Variants in MAML2 observed in about 807,000 individuals in gnomAD.
The protein encoded by MAML2 is mastermind like transcriptional coactivator 2, also known as mastermind-like protein 2.
In MAML2, 22 loss-of-function variants were observed where a neutral mutation model predicts 96.1. The observed-to-expected ratio is 0.23, with a 90% CI of 0.16 to 0.33. The LOEUF is 0.33. Among genes scored for constraint, MAML2 ranks in the 10% least tolerant of loss-of-function variants. MAML2 has a pLI of 1.00. For synonymous variants in MAML2, 561 were observed against 521.3 expected, an observed-to-expected ratio of 1.08 and a Z score of -1.04; for missense variants, 1,367 against 1,392.4, an observed-to-expected ratio of 0.98 and a Z score of 0.29.
intron 1 of MAML2, among the ~76,000 whole-genome samples, chr11:96,141,818 C>T (rs1345801826): frequency 1.3e-5 from 2 of 152,170 alleles, no homozygotes; most frequent in Non-Finnish European, 2.9e-5. Flanking sequence ...CCTCCATGTC[C>T]ACATCGATGG....
intron 2 of MAML2, among the ~76,000 whole-genome samples, chr11:96,071,822 G>A (rs1859349422): frequency 6.6e-6 from 1 of 152,078 alleles, no homozygotes; most frequent in South Asian, 2.1e-4. Flanking sequence ...ACCTAACATA[G>A]AGGGATACAT....
intron 1 of MAML2, among the ~76,000 whole-genome samples, chr11:96,319,342 C>T (rs1409270573): frequency 1.3e-5 from 2 of 152,180 alleles, no homozygotes; most frequent in African/African-American, 2.4e-5. Flanking sequence ...CTAAGCAGTT[C>T]GCAAAAGTCT....
At chr11:96,200,356 T>C (rs909058223) in intron 1 of MAML2, among the ~76,000 whole-genome samples, 2 of 152,208 alleles carry the variant, frequency 1.3e-5, no homozygotes, top group African/African-American at 4.8e-5. Flanking sequence ...TTTGCTGAGA[T>C]TCCATGTCCA....
Position 95,979,437 on chromosome 11 carries a change from A to G in MAML2, c.2982T>C (p.Tyr994=), listed in dbSNP as rs1449873060. Reference sequence around the variant, plus strand: ...CCTGTTGCAGTGACTGATTTGGGGTATAGGCTGCAGGTGTACCTGTGGGGA... The same window carrying G: ...CCTGTTGCAGTGACTGATTTGGGGTGTAGGCTGCAGGTGTACCTGTGGGGA... ...VRFPTGTPAA[Y]TPNQSLQQAV... is the part of the protein sequence containing the mutation. The change falls in exon 5 of 5, where the codon TAT becomes TAC. Residue 994 remains tyrosine (Y), a synonymous_variant. Transcript: ENST00000524717. 1 of 1,613,656 alleles carries G rather than the reference A, an allele frequency of 6.2e-7. No homozygotes were observed. The highest frequency in any genetic ancestry group is 1.6e-4 in the Middle Eastern group (1 of 6,062).
chr11:95,979,144 T>C lies in MAML2; in HGVS notation c.3275A>G (p.Gln1092Arg), dbSNP rs1565179029. The change falls in exon 5 of 5, where the codon CAA becomes CGA. Residue 1092 changes from glutamine (Q) to arginine (R), a missense_variant. Coordinates refer to ENST00000524717, the MANE Select transcript of MAML2 (RefSeq NM_032427.4). ...LTPSNFPSPN[Q>R]SSRAFQGTDH... is the part of the protein sequence containing the mutation. ...AGTTCCTTGAAAAGCCCTGGAACTT[T>C]GGTTGGGTGAAGGAAAATTGCTGGG... The C allele has an allele frequency of 1.9e-6, 3 of 1,613,832 alleles. No homozygotes were observed.
At chr11:96,210,949 A>G (rs563238216) in intron 1 of MAML2, among the ~76,000 whole-genome samples, 1 of 152,290 alleles carries the variant, frequency 6.6e-6, no homozygotes, top group East Asian at 1.9e-4. Context: ...GGCTTCATAT[A>G]TGCACTACTT....
intron 1 of MAML2, among the ~76,000 whole-genome samples, chr11:96,235,357 A>T (rs1439035554): frequency 6.6e-6 from 1 of 152,234 alleles, no homozygotes; most frequent in Non-Finnish European, 1.5e-5. Flanking sequence ...AGAGCTGAGT[A>T]GTTGAGTAGC....
chr11:96,145,977 C>T (rs1037447376), intron 1 of MAML2, among the ~76,000 whole-genome samples: 3 of 152,136 alleles, frequency 2.0e-5, no homozygotes, highest in African/African-American at 7.2e-5. Context: ...CCACCTCACT[C>T]CAGCCTGGGT....
chr11:96,116,751 T>G (rs754119356), intron 1 of MAML2, among the ~76,000 whole-genome samples: 3 of 152,218 alleles, frequency 2.0e-5, no homozygotes, highest in African/African-American at 7.2e-5. Context: ...TTCATATGTA[T>G]GGCGAAGAGA....
At chr11:95,995,297 T>C (rs184217240) in intron 2 of MAML2, among the ~76,000 whole-genome samples, 4 of 152,248 alleles carry the variant, frequency 2.6e-5, no homozygotes, top group African/African-American at 9.6e-5. Flanking sequence ...TGCCAGAAGA[T>C]GGGTGGGGTA....
intron 1 of MAML2, among the ~76,000 whole-genome samples, chr11:96,256,749 A>T (rs1862673836): frequency 6.6e-6 from 1 of 152,220 alleles, no homozygotes; most frequent in Non-Finnish European, 1.5e-5. Context: ...TCAACTCTTG[A>T]GCTAGACAGA....
chr11:96,159,131 A>G (rs1467893410), intron 1 of MAML2, among the ~76,000 whole-genome samples: 1 of 152,122 alleles, frequency 6.6e-6, no homozygotes, highest in Non-Finnish European at 1.5e-5. Flanking sequence ...TGGAAAGAAC[A>G]GCAGAAATAT....
chr11:96,330,085 G>A (rs998853849), intron 1 of MAML2, among the ~76,000 whole-genome samples: 1 of 152,202 alleles, frequency 6.6e-6, no homozygotes, highest in African/African-American at 2.4e-5. Context: ...TGTGTTCCAT[G>A]GAGTATAGCA....
At chr11:96,253,128 G>C (rs1161930864) in intron 1 of MAML2, among the ~76,000 whole-genome samples, 1 of 152,130 alleles carries the variant, frequency 6.6e-6, no homozygotes, top group Non-Finnish European at 1.5e-5. Flanking sequence ...CTCAACAGAG[G>C]AAAGAGATTC....
chr11:96,255,371 T>G (rs1862648857), intron 1 of MAML2, among the ~76,000 whole-genome samples: 1 of 152,192 alleles, frequency 6.6e-6, no homozygotes, highest in South Asian at 2.1e-4. Flanking sequence ...TCAGGTGTTA[T>G]CCCCATTTTA....
At chr11:96,229,307 G>A (rs1269955642) in intron 1 of MAML2, among the ~76,000 whole-genome samples, 3 of 151,662 alleles carry the variant, frequency 2.0e-5, no homozygotes, top group Admixed American at 6.6e-5. Context: ...GAAGTAAATT[G>A]TAACCATTTT....
chr11:96,030,144 G>A lies in MAML2; in HGVS notation c.2140-38421C>T, dbSNP rs1208626510. 4.6e-5 allele frequency among the ~76,000 whole-genome samples: 7 copies of A among 152,106 alleles called. No individual in the cohort carries two copies. The East Asian group carries it at 7.7e-4, about 17-fold the overall frequency. On this transcript the variant is annotated intron_variant, in intron 2 of 4. Transcript: ENST00000524717. ...CAGCCTACTCGGGAGGCTGAGGCAG[G>A]AGAATAACTTGAACCTGGGAGGCGG...
Position 95,979,848 on chromosome 11 carries a change from C to T in MAML2, c.2571G>A (p.Met857Ile), listed in dbSNP as rs1328736058. Residue 857 changes from methionine (M) to isoleucine (I), a missense_variant, in exon 5 of 5, where the codon ATG becomes ATA. Met to Ile is a conservative substitution (Grantham distance 10). Coordinates refer to ENST00000524717, the MANE Select transcript of MAML2 (RefSeq NM_032427.4). ...TCTGAACTGCTGTAGATAATGATGGCATTCTTGTCCCGTGAGAAGTAGACA... is the reference window on the plus strand; with the variant it reads ...TCTGAACTGCTGTAGATAATGATGGTATTCTTGTCCCGTGAGAAGTAGACA... ...SLLSTSHGTRMPSLSTAVQNM... is the reference protein window; with the variant it reads ...SLLSTSHGTRIPSLSTAVQNM... The T allele has an allele frequency of 6.2e-7, 1 of 1,613,786 alleles. No individual in the cohort carries two copies. The highest frequency in any genetic ancestry group is 8.5e-7 in the Non-Finnish European group (1 of 1,179,892).
At chr11:96,014,041 A>G (rs1486993547) in intron 2 of MAML2, among the ~76,000 whole-genome samples, 1 of 152,078 alleles carries the variant, frequency 6.6e-6, no homozygotes, top group Non-Finnish European at 1.5e-5. Flanking sequence ...ATTCACCCCT[A>G]GACATGGCCG....
Sources: gnomAD v4.1 joint callset for allele counts (sites outside exome capture counted in the v4.1 genomes callset) on GRCh38, gnomAD v4.1.1 for gene constraint, MANE v1.5 for transcripts, NCBI Gene and HGNC (gene_info 2026-07-23, HGNC 2026-07-21) for gene names.